The following GCN1 variants were observed in gnomAD, a reference collection of about 807,000 sequenced individuals.
The protein encoded by GCN1 is GCN1 activator of EIF2AK4.
Under a neutral mutation model 288.4 loss-of-function variants are expected in GCN1, and 90 were observed. That is an observed-to-expected ratio of 0.31 (90% CI 0.26 to 0.37). The LOEUF (loss-of-function observed/expected upper bound fraction) is 0.37, where lower values mean the gene tolerates loss of function less well. Among genes scored for constraint, GCN1 ranks in the 10% least tolerant of loss-of-function variants. The pLI, the probability that GCN1 is intolerant of heterozygous loss-of-function variation, is 1.00. For synonymous variants in GCN1, 1,386 were observed against 1,420.2 expected (o/e 0.98, Z 0.54); for missense variants, 2,586 against 3,419.9 (o/e 0.76, Z 6.08).
At chr12:120,143,679 A>G (rs1489971927) in intron 42 of GCN1, among the ~76,000 whole-genome samples, 1 of 152,212 alleles carries the variant, frequency 6.6e-6, no homozygotes, top group African/African-American at 2.4e-5. Context: ...TGCAACAAAC[A>G]TCCTTATGTC....
At chr12:120,138,561 C>A in intron 46 of GCN1, 134 bp downstream of exon 46, 2 of 1,058,432 alleles carry the variant, frequency 1.9e-6, no homozygotes, top group South Asian at 2.7e-5. Context: ...AAAGCCAAGT[C>A]TGATCTTGCT....
intron 2 of GCN1, 100 bp downstream of exon 2, chr12:120,190,198 C>G (rs1007004574): frequency 3.5e-5 from 23 of 662,502 alleles, no homozygotes; most frequent in Non-Finnish European, 5.4e-5. Flanking sequence ...GCACTTCAGC[C>G]AGGGCAACAG....
chr12:120,157,822 AGAG>A (rs893501500), intron 26 of GCN1, 24 bp downstream of exon 26: 1 of 1,599,694 alleles, frequency 6.3e-7, no homozygotes, highest in African/African-American at 1.3e-5. Context: ...CTTTAAACCA[AGAG>A]GAGAGCAGAG....
intron 12 of GCN1, 36 bp downstream of exon 12, chr12:120,175,126 C>CAAAAAAAAAA: frequency 9.4e-7 from 1 of 1,062,096 alleles, no homozygotes; most frequent in Non-Finnish European, 1.3e-6. Context: ...GACTTTCTCT[C>CAAAAAAAAAA]AAAAAAAAAA....
At chr12:120,189,493 G>C (rs941481643) in intron 2 of GCN1, among the ~76,000 whole-genome samples, 9 of 151,548 alleles carry the variant, frequency 5.9e-5, no homozygotes, top group African/African-American at 2.2e-4. Flanking sequence ...CTCCCTAGTA[G>C]CTGGGATTAC....
intron 17 of GCN1, 31 bp from the exon 18 acceptor site, chr12:120,164,526 G>A (rs755790863): frequency 1.9e-6 from 3 of 1,610,424 alleles, no homozygotes; most frequent in Non-Finnish European, 2.5e-6. Context: ...AGGTCTGGGG[G>A]AAGGCCAAGA....
chr12:120,189,083 T>A (rs568089190), intron 2 of GCN1, among the ~76,000 whole-genome samples: 1 of 152,236 alleles, frequency 6.6e-6, no homozygotes, highest in African/African-American at 2.4e-5. Flanking sequence ...GTTCCTTTTT[T>A]ATTTGAGACG....
chr12:120,166,378 TG>T (rs1232196366), intron 16 of GCN1, among the ~76,000 whole-genome samples: 2 of 120,994 alleles, frequency 1.7e-5, no homozygotes, highest in Non-Finnish European at 3.3e-5. Flanking sequence ...CACTCCAGCC[TG>T]GGCAACAGAG....
In GCN1 at chr12:120,174,087, C is replaced by G; in HGVS notation, c.1176G>C (p.Pro392=). 6.3e-7 allele frequency: 1 copy of G among 1,590,324 alleles called. No individual in the cohort carries two copies. Among genetic ancestry groups the G allele is most frequent in the Non-Finnish European group, 8.6e-7 (1 of 1,158,294 alleles). Residue 392 remains proline, a synonymous_variant, in exon 13 of 58, where the codon CCG becomes CCC. Transcript: ENST00000300648. ...CAGAATTACCTTCCTGCTGAAGGAA[C>G]GGGATGAACAGCTCAGCCACGATCC... ...LNGIVAELFI[P]FLQQEVHEGT...
At position 120,149,389 on chromosome 12, in the gene GCN1, G is replaced by A. The variant is rs1357270545; in HGVS notation, c.4546+217C>T. 3.9e-5 allele frequency among the ~76,000 whole-genome samples: 6 copies of A among 152,156 alleles called. No individual in the cohort carries two copies. In the South Asian group the frequency reaches 1.0e-3, roughly 26 times the overall value. ...AAAATACAAAAATTAGCCAGGTGTAGTGGCATGCTCCTGTGAGAATGGTTT... is the reference window on the plus strand; with the variant it reads ...AAAATACAAAAATTAGCCAGGTGTAATGGCATGCTCCTGTGAGAATGGTTT... On this transcript the variant is annotated intron_variant, in intron 36 of 57. Coordinates refer to ENST00000300648, the MANE Select transcript of GCN1 (RefSeq NM_006836.2).
Position 120,153,421 on chromosome 12 carries a change from C to A in GCN1, c.3868-14G>T, listed in dbSNP as rs376080948. 2 of 1,611,806 alleles carry A rather than the reference C, an allele frequency of 1.2e-6. No individual in the cohort carries two copies. Among genetic ancestry groups the A allele is most frequent in the Non-Finnish European group, 1.7e-6 (2 of 1,178,814 alleles). On this transcript the variant is annotated splice_polypyrimidine_tract_variant and intron_variant, in intron 32 of 57. Coordinates refer to ENST00000300648, the MANE Select transcript of GCN1 (RefSeq NM_006836.2). This position sits in a 1 kb window ranked among gnomAD's most constrained non-coding sequence, Gnocchi z 4.4. ...GTTGACGTTCTCCTGGAAAGCCAAA[C>A]CCCTCAGAGCCTCAGGTCAACCCTA... is the stretch of plus-strand genomic sequence containing the variant.
At position 120,142,681 on chromosome 12, in the gene GCN1, C is replaced by T; in HGVS notation, c.5655G>A (p.Val1885=). The T allele has an allele frequency of 1.9e-6, 3 of 1,614,104 alleles. No homozygotes were observed. Among genetic ancestry groups the T allele is most frequent in the East Asian group, 2.2e-5 (1 of 44,886 alleles). ...TALGVERRNR[V]LAGLYMGRSD... Reference sequence around the variant, plus strand: ...AGCGGCCCATGTACAGCCCTGCCAACACCCGGTTCCGCCGCTCTACCCCCA... The same window carrying T: ...AGCGGCCCATGTACAGCCCTGCCAATACCCGGTTCCGCCGCTCTACCCCCA... Residue 1885 remains valine, a synonymous_variant, in exon 44 of 58, where the codon GTG becomes GTA. Transcript: ENST00000300648. The surrounding 1 kb of genome is among the most constrained non-coding windows in gnomAD (Gnocchi z 4.9).
Position 120,138,681 on chromosome 12 carries a change from G to T in GCN1, c.6156+14C>A, listed in dbSNP as rs1222428713. On this transcript the variant is annotated intron_variant, in intron 46 of 57. Transcript: ENST00000300648. ...AGCCAAACTGGTAGGTAGGTGTGTG[G>T]TAGATCCACTCACCAGCTGCTTTAG... 6.2e-7 allele frequency: 1 copy of T among 1,610,578 alleles called. No individual in the cohort carries two copies. The highest frequency in any genetic ancestry group is 8.5e-7 in the Non-Finnish European group (1 of 1,177,184).
chr12:120,165,054 T>A (rs1025511585), intron 16 of GCN1, among the ~76,000 whole-genome samples: 5 of 148,932 alleles, frequency 3.4e-5, no homozygotes, highest in African/African-American at 7.6e-5. Context: ...TATATATATT[T>A]TTTTTTTTGA....
rs781657182 is a variant in GCN1, at chr12:120,144,971, T to C, written c.5107A>G (p.Thr1703Ala). 3 of 1,613,970 alleles carry C rather than the reference T, an allele frequency of 1.9e-6. No homozygotes were observed. Among genetic ancestry groups the C allele is most frequent in the Non-Finnish European group, 2.5e-6 (3 of 1,180,018 alleles). Residue 1703 changes from threonine to alanine, a missense_variant, in exon 40 of 58, where the codon ACA becomes GCA. By Grantham distance (58) the Thr-to-Ala change is moderately conservative. Coordinates refer to ENST00000300648, the MANE Select transcript of GCN1 (RefSeq NM_006836.2). This position sits in a 1 kb window ranked among gnomAD's most constrained non-coding sequence, Gnocchi z 4.7. ...FEDLLPWLME[T>A]LTYEQSSVDR... ...ACAGAGCTCTGCTCATAGGTCAGTG[T>C]CTCCATCAGCCACGGCAGCAAGTCC...
At chr12:120,187,208 ATTTTC>A (rs1261292912) in intron 2 of GCN1, among the ~76,000 whole-genome samples, 1 of 144,988 alleles carries the variant, frequency 6.9e-6, no homozygotes, top group Non-Finnish European at 1.5e-5. Flanking sequence ...TATGGCCATG[ATTTTC>A]TTTTTTTTTT....
chr12:120,142,957 A>C lies in GCN1; in HGVS notation c.5496-16T>G. The C allele has an allele frequency of 6.7e-7, 1 of 1,482,098 alleles. No individual in the cohort carries two copies. The highest frequency in any genetic ancestry group is 9.4e-7 in the Non-Finnish European group (1 of 1,059,672). 91.8% of individuals were successfully genotyped at this position (1,482,098 alleles called of 1,614,324 possible). ...AGAGCTGAACCTGAGAAGGAGGCCA[A>C]CAACACAGTCACACAGCTGCAAGGA... is the stretch of plus-strand genomic sequence containing the variant. On this transcript the variant is annotated splice_polypyrimidine_tract_variant and intron_variant, in intron 42 of 57. Coordinates refer to ENST00000300648, the MANE Select transcript of GCN1 (RefSeq NM_006836.2). This position sits in a 1 kb window ranked among gnomAD's most constrained non-coding sequence, Gnocchi z 4.9.
chr12:120,171,468 A>G (rs1326224396), intron 14 of GCN1, among the ~76,000 whole-genome samples: 1 of 151,660 alleles, frequency 6.6e-6, no homozygotes, highest in Non-Finnish European at 1.5e-5. Context: ...CTCCATCTCA[A>G]AAAAAAAACT....
chr12:120,163,171 G>A lies in GCN1; in HGVS notation c.1937C>T (p.Ala646Val). The change falls in exon 19 of 58, where the codon GCT becomes GTT. Residue 646 changes from alanine (A) to valine (V), a missense_variant. Transcript: ENST00000300648. ...AYVPPRVLQE[A>V]LCVISGVPGL... Reference sequence around the variant, plus strand: ...TGGCACACCGGAGATGACACACAGAGCCTCCTGCAGGACCCGTGGAGGCAC... The same window carrying A: ...TGGCACACCGGAGATGACACACAGAACCTCCTGCAGGACCCGTGGAGGCAC... 2 of 1,614,120 alleles carry A rather than the reference G, an allele frequency of 1.2e-6. No homozygotes were observed. The highest frequency in any genetic ancestry group is 1.1e-5 in the South Asian group (1 of 91,084).
Sources: gnomAD v4.1 joint callset for allele counts (sites outside exome capture counted in the v4.1 genomes callset) on GRCh38, gnomAD v4.1.1 for gene constraint, Gnocchi (gnomAD v3.1) non-coding constraint, MANE v1.5 for transcripts, NCBI Gene and HGNC (gene_info 2026-07-23, HGNC 2026-07-21) for gene names.